Variants in DGKE observed in about 807,000 individuals in gnomAD.
DGKE encodes the protein diacylglycerol kinase epsilon.
DGKE carries 53 observed loss-of-function variants against 70.0 expected under a neutral mutation model. The ratio of observed to expected loss-of-function variants is 0.76; its 90% CI spans 0.61 to 0.95. The LOEUF is 0.95. Ranked by LOEUF, DGKE falls within the 40% of genes least tolerant of loss-of-function variation. DGKE has a pLI of 0.00. For missense variants in DGKE, 655 were observed against 706.9 expected (o/e 0.93, Z 0.83); for synonymous variants, 291 against 257.0 (o/e 1.13, Z -1.27).
intron 2 of DGKE, among the ~76,000 whole-genome samples, chr17:56,843,307 T>C (rs1907096242): frequency 6.6e-6 from 1 of 152,214 alleles, no homozygotes; most frequent in African/African-American, 2.4e-5. Context: ...TTGTTTTAAA[T>C]TTTTGCACAT....
intron 7 of DGKE, among the ~76,000 whole-genome samples, chr17:56,853,987 A>G (rs1709492041): frequency 6.6e-6 from 1 of 151,938 alleles, no homozygotes; most frequent in Non-Finnish European, 1.5e-5. Flanking sequence ...GACTTTAAAA[A>G]AAAAAAAAAA....
intron 8 of DGKE, 35 bp downstream of exon 8, chr17:56,856,660 C>A: frequency 6.3e-7 from 1 of 1,586,938 alleles, no homozygotes; most frequent in Non-Finnish European, 8.6e-7. Context: ...CTGCTTATCA[C>A]CGAAGGTACA....
intron 7 of DGKE, among the ~76,000 whole-genome samples, chr17:56,855,396 AAG>A (rs1370808119): frequency 3.3e-5 from 5 of 152,176 alleles, no homozygotes; most frequent in Non-Finnish European, 7.4e-5. Flanking sequence ...AGATGGCAGA[AAG>A]AGAGCATGAG....
intron 10 of DGKE, 72 bp from the exon 11 acceptor site, chr17:56,862,068 A>G: frequency 6.4e-7 from 1 of 1,573,314 alleles, no homozygotes. Context: ...AACTGTGTTA[A>G]AAAGTAATTG....
At position 56,866,750 on chromosome 17, in the gene DGKE, C is replaced by T. The variant is rs2144315055; in HGVS notation, c.*3959C>T. ...GCCTGCCTTCTCACTGCAGTCAATG[C>T]AGCCACACTTGTGTATACTGAGTGC... On this transcript the variant is annotated 3_prime_UTR_variant, in exon 12 of 12. Coordinates refer to ENST00000284061, the MANE Select transcript of DGKE (RefSeq NM_003647.3). 2 of 152,372 alleles carry T rather than the reference C, an allele frequency of 1.3e-5. No individual in the cohort carries two copies. The highest frequency in any genetic ancestry group is 3.9e-4 in the East Asian group (2 of 5,190). 9.4% of individuals were successfully genotyped at this position (152,372 alleles called of 1,614,324 possible). A position where few individuals can be genotyped will look rare whatever the true frequency, so the allele number is the denominator to read the frequency against.
chr17:56,862,962 T>C lies in DGKE; in HGVS notation c.*171T>C, dbSNP rs1284142003. 1 of 474,982 alleles carries C rather than the reference T, an allele frequency of 2.1e-6. No individual in the cohort carries two copies. Among genetic ancestry groups the C allele is most frequent in the East Asian group, 3.5e-5 (1 of 28,204 alleles). 29.4% of individuals were successfully genotyped at this position (474,982 alleles called of 1,614,324 possible). ...CCCCAAACCAGCCAGCCTTCAGTTA[T>C]TTACAAATGTTTGTTCTTTTTTCAG... On this transcript the variant is annotated 3_prime_UTR_variant, in exon 12 of 12. Transcript: ENST00000284061.
chr17:56,837,335 G>A (rs1906693217), intron 2 of DGKE, among the ~76,000 whole-genome samples: 1 of 151,976 alleles, frequency 6.6e-6, no homozygotes, highest in Admixed American at 6.6e-5. Context: ...GAGAACCACT[G>A]CTATATTTAC....
At chr17:56,851,777 T>A (rs1433482613) in intron 7 of DGKE, among the ~76,000 whole-genome samples, 1 of 151,860 alleles carries the variant, frequency 6.6e-6, no homozygotes. Flanking sequence ...CAGAGAAAAA[T>A]GAAAATATTA....
At chr17:56,856,949 T>G (rs1249215799) in intron 8 of DGKE, among the ~76,000 whole-genome samples, 1 of 151,892 alleles carries the variant, frequency 6.6e-6, no homozygotes, top group Non-Finnish European at 1.5e-5. Flanking sequence ...AAATACAAAT[T>G]TAGCCGGGCA....
In DGKE at chr17:56,858,680, CTT is replaced by C. The variant is rs530047750; in HGVS notation, c.1284+19_1284+20del. ...AAAAAGTTGAGGTAAGCTATTAACA[CTT>C]TTTATTTTTTAAAGTTTTAGGTGGT... On this transcript the variant is annotated intron_variant, in intron 9 of 11. Coordinates refer to ENST00000284061, the MANE Select transcript of DGKE (RefSeq NM_003647.3). 8 of 1,565,640 alleles carry C rather than the reference CTT, an allele frequency of 5.1e-6. No individual in the cohort carries two copies. The highest frequency in any genetic ancestry group is 3.5e-5 in the South Asian group (3 of 84,694).
intron 9 of DGKE, among the ~76,000 whole-genome samples, chr17:56,860,872 C>T (rs1286620712): frequency 6.6e-6 from 1 of 152,116 alleles, no homozygotes; most frequent in Non-Finnish European, 1.5e-5. Context: ...GAGAGATGGA[C>T]AGAAGTCAAA....
At chr17:56,849,293 CTG>C in intron 7 of DGKE, 61 bp downstream of exon 7, 2 of 1,467,210 alleles carry the variant, frequency 1.4e-6, no homozygotes, top group Non-Finnish European at 1.9e-6. Flanking sequence ...ATACGGCACT[CTG>C]TGGTGGGATA....
chr17:56,861,753 G>T (rs759628109), intron 9 of DGKE, 38 bp from the exon 10 acceptor site: 5 of 1,601,276 alleles, frequency 3.1e-6, no homozygotes, highest in Non-Finnish European at 3.4e-6. Context: ...TGGAAATTGT[G>T]TATCCTGTAG....
chr17:56,835,321 G>A, intron 2 of DGKE, 62 bp downstream of exon 2: 1 of 1,504,612 alleles, frequency 6.6e-7, no homozygotes, highest in Non-Finnish European at 9.0e-7. Context: ...ATTTCATAGA[G>A]TGGTGTAGAG....
chr17:56,841,695 A>G (rs1906988838), intron 2 of DGKE, among the ~76,000 whole-genome samples: 1 of 152,226 alleles, frequency 6.6e-6, no homozygotes, highest in African/African-American at 2.4e-5. Context: ...ATGCCCTTTG[A>G]TTCAGTAACT....
Position 56,834,815 on chromosome 17 carries a change from C to G in DGKE, c.20C>G (p.Pro7Arg). 4 of 1,604,092 alleles carry G rather than the reference C, an allele frequency of 2.5e-6. No individual in the cohort carries two copies. The highest frequency in any genetic ancestry group is 3.4e-6 in the Non-Finnish European group (4 of 1,176,104). ...GAGAAGATGGAAGCGGAGAGGCGGCCGGCGCCGGGCTCGCCCTCCGAGGGC... is the reference window on the plus strand; with the variant it reads ...GAGAAGATGGAAGCGGAGAGGCGGCGGGCGCCGGGCTCGCCCTCCGAGGGC... MEAERRPAPGSPSEGLF... is the reference protein window; with the variant it reads MEAERRRAPGSPSEGLF... The change falls in exon 2 of 12, where the codon CCG (proline) becomes CGG (arginine). Residue 7 changes from proline (P) to arginine (R), a missense_variant. Pro to Arg is a moderately radical substitution (Grantham distance 103). Coordinates refer to ENST00000284061, the MANE Select transcript of DGKE (RefSeq NM_003647.3).
At chr17:56,854,836 G>T (rs1247991871) in intron 7 of DGKE, among the ~76,000 whole-genome samples, 5 of 152,168 alleles carry the variant, frequency 3.3e-5, no homozygotes, top group Non-Finnish European at 7.4e-5. Flanking sequence ...CAAATAAGAA[G>T]ACATGTTCTT....
rs368992473 is a variant in DGKE at position 56,843,797 on chromosome 17, C to CAA, written c.465-206_465-205dup. 1.4e-3 allele frequency among the ~76,000 whole-genome samples: 158 copies of CAA among 109,388 alleles called. 3 individuals are homozygous for CAA. The highest frequency in any genetic ancestry group is 5.2e-3 in the African/African-American group (151 of 29,050). 71.8% of individuals were successfully genotyped at this position (109,388 alleles called of 152,430 possible). ...TGGTGGACAGAGTGAGACCCTGTCT[C>CAA]AAAAAAAAAAAAAAAAAGTGCTGTT... On this transcript the variant is annotated intron_variant, in intron 2 of 11. Transcript: ENST00000284061.
intron 7 of DGKE, among the ~76,000 whole-genome samples, chr17:56,856,281 G>A (rs1215059863): frequency 6.6e-6 from 1 of 152,136 alleles, no homozygotes; most frequent in Non-Finnish European, 1.5e-5. Flanking sequence ...GGTCTGAGGT[G>A]TAGCATATAA....
Sources: gnomAD v4.1 joint callset for allele counts (sites outside exome capture counted in the v4.1 genomes callset) on GRCh38, gnomAD v4.1.1 for gene constraint, MANE v1.5 for transcripts, NCBI Gene and HGNC (gene_info 2026-07-23, HGNC 2026-07-21) for gene names.